Variants in DLGAP1 observed in about 807,000 individuals in gnomAD.
DLGAP1 encodes disks large-associated protein 1.
In DLGAP1, 11 loss-of-function variants were observed where a neutral mutation model predicts 90.8. The ratio of observed to expected loss-of-function variants is 0.12; its 90% CI spans 0.08 to 0.20. DLGAP1 has a LOEUF of 0.20. DLGAP1 is among the 10% of genes least tolerant of loss of function. The pLI, the probability that DLGAP1 is intolerant of heterozygous loss-of-function variation, is 1.00. For synonymous variants in DLGAP1, 558 were observed against 540.7 expected, an observed-to-expected ratio of 1.03 and a Z score of -0.44; for missense variants, 1,050 against 1,333.8, an observed-to-expected ratio of 0.79 and a Z score of 3.31.
At chr18:3,910,622 C>A (rs747672107) in intron 3 of DLGAP1, among the ~76,000 whole-genome samples, 2 of 152,058 alleles carry the variant, frequency 1.3e-5, no homozygotes, top group Admixed American at 6.6e-5. Context: ...CTGAAAATGG[C>A]TGCTTGGCAA....
At chr18:3,869,080 C>A (rs1243894675) in intron 4 of DLGAP1, among the ~76,000 whole-genome samples, 2 of 151,992 alleles carry the variant, frequency 1.3e-5, no homozygotes, top group East Asian at 3.9e-4. Context: ...TGTTGACTTA[C>A]CAGAGCTGTC....
chr18:3,611,947 C>T lies in DLGAP1; in HGVS notation c.1592-29699G>A, dbSNP rs77659683. Among the ~76,000 whole-genome samples the T allele has an allele frequency of 4.4e-3, 676 of 152,358 alleles. 8 individuals carry two copies. The highest frequency in any genetic ancestry group is 0.015 in the African/African-American group (635 of 41,588). Reference sequence around the variant, plus strand: ...CTGCTGCAGACCCCTCAACTATATTCCCCTAGCTTACCATGGTAACAAGCC... The same window carrying T: ...CTGCTGCAGACCCCTCAACTATATTTCCCTAGCTTACCATGGTAACAAGCC... On this transcript the variant is annotated intron_variant, in intron 7 of 12. Transcript: ENST00000315677.
chr18:4,330,090 C>A (rs959424551), intron 1 of DLGAP1, among the ~76,000 whole-genome samples: 1 of 151,882 alleles, frequency 6.6e-6, no homozygotes, highest in Non-Finnish European at 1.5e-5. Flanking sequence ...CTTGACAGAA[C>A]TTTGATAGTT....
chr18:4,433,268 G>C (rs1335546265), intron 1 of DLGAP1, among the ~76,000 whole-genome samples: 1 of 152,154 alleles, frequency 6.6e-6, no homozygotes, highest in Non-Finnish European at 1.5e-5. Context: ...CTGTAATAAG[G>C]TGCCAGAAAG....
At chr18:3,886,835 T>A (rs2071329319) in intron 3 of DLGAP1, among the ~76,000 whole-genome samples, 1 of 152,218 alleles carries the variant, frequency 6.6e-6, no homozygotes, top group Admixed American at 6.5e-5. Flanking sequence ...AAACGGCATG[T>A]GTGATTTCTG....
At chr18:4,172,787 C>A (rs2077045040) in intron 1 of DLGAP1, among the ~76,000 whole-genome samples, 2 of 152,194 alleles carry the variant, frequency 1.3e-5, no homozygotes. Context: ...ATGTTAAAGT[C>A]AGACATGACA....
intron 1 of DLGAP1, among the ~76,000 whole-genome samples, chr18:4,422,157 T>C (rs910600311): frequency 2.0e-5 from 3 of 151,920 alleles, no homozygotes; most frequent in African/African-American, 7.2e-5. Flanking sequence ...TGCCCAATAA[T>C]AGGGGCTTAC....
At chr18:3,501,896 A>G (rs900919299) in intron 12 of DLGAP1, among the ~76,000 whole-genome samples, 2 of 147,784 alleles carry the variant, frequency 1.4e-5, no homozygotes, top group African/African-American at 2.5e-5. Context: ...ATGCATGAGG[A>G]CCCCAGTGAG....
intron 4 of DLGAP1, chr18:3,845,094 C>T: frequency 9.2e-7 from 1 of 1,086,904 alleles, no homozygotes; most frequent in Non-Finnish European, 1.3e-6. Flanking sequence ...TAAAATTGTT[C>T]ATCCCCAGTT....
intron 7 of DLGAP1, among the ~76,000 whole-genome samples, chr18:3,634,749 T>TTTGG (rs1303269910): frequency 2.0e-5 from 3 of 152,220 alleles, no homozygotes; most frequent in Non-Finnish European, 4.4e-5. Context: ...TACATAACGA[T>TTTGG]TTGGTCTCTG....
At chr18:4,168,610 T>G (rs986998772) in intron 1 of DLGAP1, among the ~76,000 whole-genome samples, 1 of 152,148 alleles carries the variant, frequency 6.6e-6, no homozygotes, top group Non-Finnish European at 1.5e-5. Context: ...TTCTATTAAT[T>G]TGTCTACTCT....
At chr18:3,963,140 C>A (rs766698596) in intron 3 of DLGAP1, among the ~76,000 whole-genome samples, 2 of 152,056 alleles carry the variant, frequency 1.3e-5, no homozygotes, top group Non-Finnish European at 2.9e-5. Context: ...TTTGGGGGTG[C>A]CAGAGGGGAT....
intron 3 of DLGAP1, among the ~76,000 whole-genome samples, chr18:3,888,064 C>T (rs564000651): frequency 5.0e-5 from 7 of 139,156 alleles, no homozygotes; most frequent in Non-Finnish European, 9.1e-5. Context: ...GCCGAGATCG[C>T]GCCACTGCAC....
chr18:4,391,881 C>T (rs2082348256), intron 1 of DLGAP1, among the ~76,000 whole-genome samples: 1 of 152,140 alleles, frequency 6.6e-6, no homozygotes, highest in South Asian at 2.1e-4. Flanking sequence ...CTACACATGG[C>T]TTTGATACCG....
At chr18:3,583,172 ACCTACCTACCTACCTTCCTT>A (rs1428400972) in intron 7 of DLGAP1, among the ~76,000 whole-genome samples, 29 of 124,736 alleles carry the variant, frequency 2.3e-4, no homozygotes, top group African/African-American at 9.4e-4. Flanking sequence ...CTACCTACCT[ACCTACCTACCTACCTTCCTT>A]CCTTCCTTCC....
At position 4,321,798 on chromosome 18, in the gene DLGAP1, C is replaced by T. The variant is rs149398697; in HGVS notation, c.-267+133208G>A. On this transcript the variant is annotated intron_variant, in intron 1 of 12. Coordinates refer to ENST00000315677, the MANE Select transcript of DLGAP1 (RefSeq NM_004746.4). ...AATGAGGCAGGAGAAGTAAATTAAGCGTACACCTTGAAACAATTTTTATAA... is the reference window on the plus strand; with the variant it reads ...AATGAGGCAGGAGAAGTAAATTAAGTGTACACCTTGAAACAATTTTTATAA... 2.0e-3 allele frequency among the ~76,000 whole-genome samples: 299 copies of T among 152,260 alleles called. 1 individual carries two copies. The highest frequency in any genetic ancestry group is 6.5e-3 in the African/African-American group (270 of 41,550).
chr18:4,397,514 A>G (rs139166283), intron 1 of DLGAP1, among the ~76,000 whole-genome samples: 1 of 152,182 alleles, frequency 6.6e-6, no homozygotes, highest in Non-Finnish European at 1.5e-5. Context: ...AATTATCAGC[A>G]TGCATTTGTA....
At chr18:3,717,578 C>T (rs1452989917) in intron 7 of DLGAP1, among the ~76,000 whole-genome samples, 5 of 152,150 alleles carry the variant, frequency 3.3e-5, no homozygotes, top group African/African-American at 9.7e-5. Flanking sequence ...TTTGGGGTGA[C>T]ATGTGACCAC....
chr18:4,157,769 T>C (rs2076781238), intron 1 of DLGAP1, among the ~76,000 whole-genome samples: 1 of 151,956 alleles, frequency 6.6e-6, no homozygotes. Context: ...TTCATGGGAG[T>C]CTGGTGAGTT....
Sources: gnomAD v4.1 joint callset for allele counts (sites outside exome capture counted in the v4.1 genomes callset) on GRCh38, gnomAD v4.1.1 for gene constraint, MANE v1.5 for transcripts, NCBI Gene and HGNC (gene_info 2026-07-23, HGNC 2026-07-21) for gene names.